The following ST6GAL1 variants were observed in gnomAD, a reference collection of about 807,000 sequenced individuals.
The protein encoded by ST6GAL1 is ST6 beta-galactoside alpha-2,6-sialyltransferase 1.
A neutral mutation model predicts 38.0 loss-of-function variants in ST6GAL1; 20 were observed. The ratio of observed to expected loss-of-function variants is 0.53; its 90% CI spans 0.37 to 0.77. The LOEUF (loss-of-function observed/expected upper bound fraction) is 0.77. Among genes scored for constraint, ST6GAL1 ranks in the 30% least tolerant of loss-of-function variants. The pLI is 0.00. For synonymous variants in ST6GAL1, 196 were observed against 188.2 expected (o/e 1.04, Z -0.34); for missense variants, 432 against 496.4 (o/e 0.87, Z 1.23).
intron 2 of ST6GAL1, among the ~76,000 whole-genome samples, chr3:186,996,353 A>G (rs150974566): frequency 0.01 from 1,557 of 152,314 alleles, 10 homozygotes; most frequent in Non-Finnish European, 0.017. Flanking sequence ...ATGATGTAGA[A>G]AAGCCTGCTC....
At position 187,003,593 on chromosome 3, in the gene ST6GAL1, G is replaced by C. The variant is rs192095384; in HGVS notation, c.-182-35149G>C. On this transcript the variant is annotated intron_variant, in intron 2 of 7. Transcript: ENST00000169298. The stretch of plus-strand genomic sequence containing the variant: ...TTTGTAGTTTTCAGTAAAAAGTCTT[G>C]CCTATCTTTAATTAAATTTGCTTCT... 2.6e-4 allele frequency among the ~76,000 whole-genome samples: 40 copies of C among 152,262 alleles called. 1 individual carries two copies. The highest frequency in any genetic ancestry group is 2.2e-3 in the Admixed American group (33 of 15,296).
At chr3:186,993,054 T>A (rs1716231362) in intron 2 of ST6GAL1, among the ~76,000 whole-genome samples, 1 of 151,992 alleles carries the variant, frequency 6.6e-6, no homozygotes, top group African/African-American at 2.4e-5. Context: ...ATCACTCCCC[T>A]CCTCTGTCTC....
chr3:187,020,911 A>G (rs1717272539), intron 2 of ST6GAL1, among the ~76,000 whole-genome samples: 1 of 152,054 alleles, frequency 6.6e-6, no homozygotes, highest in South Asian at 2.1e-4. Context: ...AAAAAATGTG[A>G]GACATCTCAA....
rs566506604 is a variant in ST6GAL1 at position 187,076,246 on chromosome 3, C to T, written c.*443C>T. On this transcript the variant is annotated 3_prime_UTR_variant, in exon 8 of 8. Transcript: ENST00000169298. ...AATTCTCTTAAATTACAATTGTGCC[C>T]AATGCAGGGTGGCTCTGGGGGGCAA... is the stretch of plus-strand genomic sequence containing the variant. 1.1e-5 allele frequency: 2 copies of T among 175,466 alleles called. No homozygotes were observed. The highest frequency in any genetic ancestry group is 2.8e-4 in the South Asian group (2 of 7,126). The allele number at this position is 175,466 out of a possible 1,614,324, so 10.9% of individuals were successfully genotyped here.
At chr3:186,973,002 T>C (rs1264691466) in intron 2 of ST6GAL1, among the ~76,000 whole-genome samples, 3 of 152,176 alleles carry the variant, frequency 2.0e-5, no homozygotes, top group African/African-American at 7.2e-5. Context: ...AGGCTCTGGA[T>C]CACCGCTGGG....
At chr3:187,039,987 A>T (rs1173835860) in intron 3 of ST6GAL1, among the ~76,000 whole-genome samples, 1 of 152,136 alleles carries the variant, frequency 6.6e-6, no homozygotes, top group Non-Finnish European at 1.5e-5. Context: ...TTCCTGGGAA[A>T]CCACACCTTG....
intron 1 of ST6GAL1, among the ~76,000 whole-genome samples, chr3:186,939,967 G>T (rs1358023381): frequency 1.3e-5 from 2 of 152,134 alleles, no homozygotes; most frequent in Non-Finnish European, 2.9e-5. Context: ...ATGATTCTTG[G>T]TCTCCTCTAA....
chr3:187,030,749 T>C (rs1717719270), intron 2 of ST6GAL1, among the ~76,000 whole-genome samples: 1 of 152,192 alleles, frequency 6.6e-6, no homozygotes, highest in Admixed American at 6.5e-5. Flanking sequence ...ACTGGATTTA[T>C]TTTTACAGGG....
At chr3:186,992,823 C>T (rs370405173) in intron 2 of ST6GAL1, among the ~76,000 whole-genome samples, 14 of 152,186 alleles carry the variant, frequency 9.2e-5, no homozygotes, top group African/African-American at 3.4e-4. Context: ...ATATTTGAGG[C>T]CTACTTTTTT....
At chr3:187,029,050 T>G (rs1717644720) in intron 2 of ST6GAL1, among the ~76,000 whole-genome samples, 1 of 143,112 alleles carries the variant, frequency 7.0e-6, no homozygotes. Flanking sequence ...TGTGCCACTG[T>G]GTACTCCAGC....
Position 187,023,280 on chromosome 3 carries a change from C to T in ST6GAL1, c.-182-15462C>T, listed in dbSNP as rs547908303. ...TCCAAGCTGTCCCTATTTCTCTTCCCTACTCTAATTGTCTGCATATCAGTT... is the reference window on the plus strand; with the variant it reads ...TCCAAGCTGTCCCTATTTCTCTTCCTTACTCTAATTGTCTGCATATCAGTT... On this transcript the variant is annotated intron_variant, in intron 2 of 7. Transcript: ENST00000169298. Among the ~76,000 whole-genome samples the T allele has an allele frequency of 4.6e-5, 7 of 152,290 alleles. No homozygotes were observed. In the South Asian group the frequency reaches 1.0e-3, roughly 23 times the overall value.
intron 2 of ST6GAL1, among the ~76,000 whole-genome samples, chr3:186,999,631 G>A (rs1409762626): frequency 6.6e-6 from 1 of 151,822 alleles, no homozygotes; most frequent in Non-Finnish European, 1.5e-5. Context: ...GGATGGTCTC[G>A]ATCTCCTGAC....
chr3:186,939,274 CACCGTGTTGCCCAGGCTTGA>C (rs1341793992), intron 1 of ST6GAL1, among the ~76,000 whole-genome samples: 2 of 151,898 alleles, frequency 1.3e-5, no homozygotes, highest in African/African-American at 4.8e-5. Flanking sequence ...ATGGGTGTCT[CACCGTGTTGCCCAGGCTTGA>C]ACTCCTGGGC....
intron 1 of ST6GAL1, among the ~76,000 whole-genome samples, chr3:186,936,979 T>C (rs1289143835): frequency 6.7e-6 from 1 of 148,792 alleles, no homozygotes; most frequent in Non-Finnish European, 1.5e-5. Flanking sequence ...GCTTGACCAT[T>C]GAGGATAATT....
At chr3:187,052,525 C>T (rs903957442) in intron 5 of ST6GAL1, among the ~76,000 whole-genome samples, 3 of 152,156 alleles carry the variant, frequency 2.0e-5, no homozygotes, top group African/African-American at 4.8e-5. Flanking sequence ...TCAACTCCCA[C>T]CTGTGAGTGA....
intron 2 of ST6GAL1, among the ~76,000 whole-genome samples, chr3:186,997,248 A>G (rs946045628): frequency 1.3e-5 from 2 of 152,132 alleles, no homozygotes; most frequent in African/African-American, 4.8e-5. Context: ...CATACGTGTT[A>G]TCTCATGCAA....
chr3:186,971,115 T>G (rs1349674798), intron 2 of ST6GAL1, among the ~76,000 whole-genome samples: 1 of 152,178 alleles, frequency 6.6e-6, no homozygotes, highest in Non-Finnish European at 1.5e-5. Context: ...GGACACGGAG[T>G]TTCACTCTTG....
chr3:187,072,975 G>T (rs1273306132), intron 6 of ST6GAL1, 28 bp downstream of exon 6: 3 of 1,548,904 alleles, frequency 1.9e-6, no homozygotes. Flanking sequence ...GGAAATAGGG[G>T]TTGAGTTTCC....
At chr3:186,959,839 C>T (rs893282654) in intron 1 of ST6GAL1, among the ~76,000 whole-genome samples, 1 of 152,200 alleles carries the variant, frequency 6.6e-6, no homozygotes, top group Admixed American at 6.5e-5. Context: ...CAAACATAAT[C>T]AAAACCATTG....
Sources: gnomAD v4.1 joint callset for allele counts (sites outside exome capture counted in the v4.1 genomes callset) on GRCh38, gnomAD v4.1.1 for gene constraint, MANE v1.5 for transcripts, NCBI Gene and HGNC (gene_info 2026-07-23, HGNC 2026-07-21) for gene names.